WDR72: variants seen among roughly 807,000 people sequenced by gnomAD.
WDR72 encodes the protein WD repeat domain 72, also known as WD repeat-containing protein 72.
WDR72 carries 120 observed loss-of-function variants against 124.2 expected under a neutral mutation model. That is an observed-to-expected ratio of 0.97 (90% CI 0.83 to 1.12). The LOEUF is 1.12. WDR72 is among the 50% of genes most tolerant of loss of function. The pLI is 0.00. For missense variants in WDR72, 1,387 were observed against 1,278.8 expected (o/e 1.08, Z -1.29); for synonymous variants, 452 against 441.7 (o/e 1.02, Z -0.29).
chr15:53,602,414 C>T (rs1192228209), intron 17 of WDR72, among the ~76,000 whole-genome samples: 5 of 151,888 alleles, frequency 3.3e-5, no homozygotes, highest in African/African-American at 1.2e-4. Context: ...CCTAACTTCA[C>T]AACTAAAAGA....
chr15:53,684,751 G>C (rs1156560257), intron 13 of WDR72: 2 of 152,908 alleles, frequency 1.3e-5, no homozygotes, highest in Non-Finnish European at 2.9e-5. Context: ...TCCACCTCTG[G>C]GGGCAGGGCA....
At position 53,715,332 on chromosome 15, in the gene WDR72, G is replaced by A; in HGVS notation, c.375C>T (p.Gly125=). Residue 125 remains glycine (G), a synonymous_variant, in exon 5 of 20, where the codon GGC becomes GGT. Transcript: ENST00000360509. ...YHCSFRMTGE[G]WLLCCGEYQD... is the part of the protein sequence containing the mutation. ...GATATTCTCCACAACAAAGAAGCCAGCCTTCTCCTGTCATCCGGAATGAGC... is the reference window on the plus strand; with the variant it reads ...GATATTCTCCACAACAAAGAAGCCAACCTTCTCCTGTCATCCGGAATGAGC... The A allele has an allele frequency of 6.2e-7, 1 of 1,614,138 alleles. No homozygotes were observed. Among genetic ancestry groups the A allele is most frequent in the Non-Finnish European group, 8.5e-7 (1 of 1,180,006 alleles).
chr15:53,668,187 C>A (rs947794861), intron 13 of WDR72, among the ~76,000 whole-genome samples: 1 of 152,116 alleles, frequency 6.6e-6, no homozygotes, highest in East Asian at 1.9e-4. Context: ...GTTAGACACT[C>A]GGTTTTGTGT....
intron 19 of WDR72, among the ~76,000 whole-genome samples, chr15:53,522,036 A>C (rs1891828694): frequency 6.6e-6 from 1 of 152,020 alleles, no homozygotes; most frequent in Non-Finnish European, 1.5e-5. Flanking sequence ...ATCTGAAAGC[A>C]GAAGTGTGGT....
At chr15:53,548,261 G>A (rs913765925) in intron 18 of WDR72, among the ~76,000 whole-genome samples, 4 of 152,160 alleles carry the variant, frequency 2.6e-5, no homozygotes, top group Admixed American at 2.0e-4. Flanking sequence ...AAATGCACCC[G>A]TGGTAAGGTA....
intron 14 of WDR72, among the ~76,000 whole-genome samples, chr15:53,632,362 T>TTAGGATC (rs1273491757): frequency 1.3e-5 from 2 of 152,066 alleles, no homozygotes; most frequent in Non-Finnish European, 2.9e-5. Context: ...GAGTTGAGGC[T>TTAGGATC]TAGGAGCCTC....
At position 53,557,943 on chromosome 15, in the gene WDR72, C is replaced by T. The variant is rs191187490; in HGVS notation, c.3149-34621G>A. Among the ~76,000 whole-genome samples, 26 of 151,990 alleles carry T rather than the reference C, an allele frequency of 1.7e-4. No individual in the cohort carries two copies. In the East Asian group the frequency reaches 4.1e-3, roughly 24 times the overall value. On this transcript the variant is annotated intron_variant, in intron 18 of 19. Transcript: ENST00000360509. ...TTCCACCCAATGTATTTGGCATGTCCGTAGAAGTGTACATTGGTATGGTTA... is the reference window on the plus strand; with the variant it reads ...TTCCACCCAATGTATTTGGCATGTCTGTAGAAGTGTACATTGGTATGGTTA...
At chr15:53,551,788 A>G (rs73406236) in intron 18 of WDR72, among the ~76,000 whole-genome samples, 4,124 of 152,206 alleles carry the variant, frequency 0.027, 132 homozygotes, top group African/African-American at 0.079. Flanking sequence ...AAAGGTATCA[A>G]TGAAAGAGGT....
intron 16 of WDR72, among the ~76,000 whole-genome samples, chr15:53,612,816 C>T (rs942045533): frequency 2.0e-5 from 3 of 151,778 alleles, no homozygotes; most frequent in Admixed American, 6.6e-5. Flanking sequence ...GAACAGAGTG[C>T]AGGAGTCAAG....
intron 18 of WDR72, among the ~76,000 whole-genome samples, chr15:53,555,282 G>A (rs138290958): frequency 6.6e-6 from 1 of 151,728 alleles, no homozygotes; most frequent in African/African-American, 2.4e-5. Context: ...GGAAGTGCAC[G>A]TGCACTTCAC....
upstream of WDR72, chr15:53,759,762 G>C (rs1465021236): frequency 7.0e-6 from 1 of 142,624 alleles, no homozygotes; most frequent in Admixed American, 7.2e-5. Context: ...GCAGCGCGCG[G>C]ACCGGGCTAG....
At chr15:53,725,835 G>T (rs895135813) in intron 2 of WDR72, among the ~76,000 whole-genome samples, 2 of 152,098 alleles carry the variant, frequency 1.3e-5, no homozygotes, top group Admixed American at 1.3e-4. Context: ...AATTTTTAGG[G>T]CAGTGAAACT....
intron 16 of WDR72, among the ~76,000 whole-genome samples, chr15:53,611,946 AC>A (rs2013557960): frequency 6.6e-6 from 1 of 152,038 alleles, no homozygotes; most frequent in Non-Finnish European, 1.5e-5. Context: ...CATTCAGGTC[AC>A]CCCATCCTAT....
At chr15:53,708,605 G>A (rs141957818) in intron 9 of WDR72, among the ~76,000 whole-genome samples, 14 of 152,202 alleles carry the variant, frequency 9.2e-5, no homozygotes, top group African/African-American at 3.4e-4. Flanking sequence ...TTCAACATGG[G>A]ATCTTGGTGG....
rs1201070134 is a variant in WDR72, at chr15:53,585,334, A to G, written c.3148+11745T>C. Among the ~76,000 whole-genome samples, 9 of 152,070 alleles carry G rather than the reference A, an allele frequency of 5.9e-5. No individual in the cohort carries two copies. In the East Asian group the frequency reaches 1.8e-3, roughly 30 times the overall value. On this transcript the variant is annotated intron_variant, in intron 18 of 19. Transcript: ENST00000360509. ...AATGCCAGATGCTTACAAAACCATC[A>G]GATCTCATGACAACTCCCTCACTAT...
chr15:53,657,868 G>A (rs1267885980), intron 14 of WDR72, among the ~76,000 whole-genome samples: 2 of 152,142 alleles, frequency 1.3e-5, no homozygotes, highest in African/African-American at 2.4e-5. Context: ...AAAGGTCTTC[G>A]CTCACAATTA....
At chr15:53,672,231 T>A (rs1319571783) in intron 13 of WDR72, among the ~76,000 whole-genome samples, 2 of 149,980 alleles carry the variant, frequency 1.3e-5, no homozygotes, top group African/African-American at 4.9e-5. Context: ...ATAGACAGCA[T>A]GTGGAGTTCC....
At chr15:53,713,905 C>A (rs550539620) in intron 6 of WDR72, among the ~76,000 whole-genome samples, 1 of 152,266 alleles carries the variant, frequency 6.6e-6, no homozygotes, top group East Asian at 1.9e-4. Context: ...GCTTCCTCAA[C>A]CAATAAATTC....
intron 1 of WDR72, among the ~76,000 whole-genome samples, chr15:53,744,175 C>T (rs79924641): frequency 2.0e-5 from 3 of 152,078 alleles, no homozygotes; most frequent in East Asian, 3.9e-4. Flanking sequence ...ATCAGCATGC[C>T]ATCGTACATA....
Sources: allele counts gnomAD v4.1 joint callset (sites outside exome capture counted in the v4.1 genomes callset), GRCh38; gene constraint gnomAD v4.1.1; transcripts MANE v1.5; gene names NCBI Gene and HGNC (gene_info 2026-07-23, HGNC 2026-07-21).